The following BCL9 variants were observed in gnomAD, a reference collection of about 807,000 sequenced individuals.
The protein encoded by BCL9 is B-cell CLL/lymphoma 9 protein.
Under a neutral mutation model 88.5 loss-of-function variants are expected in BCL9, and 25 were observed. The ratio of observed to expected loss-of-function variants is 0.28; its 90% confidence interval spans 0.21 to 0.39. The LOEUF is 0.39. Ranked by LOEUF, BCL9 falls within the 10% of genes least tolerant of loss-of-function variation. The pLI is 1.00. For missense variants in BCL9, 1,817 were observed against 1,877.8 expected (o/e 0.97, Z 0.60); for synonymous variants, 711 against 673.3 (o/e 1.06, Z -0.87).
chr1:147,621,434 A>G (rs782158936), intron 8 of BCL9, among the ~76,000 whole-genome samples: 3 of 152,246 alleles, frequency 2.0e-5, no homozygotes, highest in Non-Finnish European at 4.4e-5. Context: ...GATTCTGGGT[A>G]TAATCCTAAG....
intron 7 of BCL9, among the ~76,000 whole-genome samples, chr1:147,616,652 A>G (rs1191750901): frequency 6.6e-6 from 1 of 152,096 alleles, no homozygotes; most frequent in Non-Finnish European, 1.5e-5. Context: ...CTGTAGTCCA[A>G]GCTACTTGGG....
chr1:147,610,010 G>A (rs1657917519), intron 3 of BCL9, among the ~76,000 whole-genome samples: 1 of 152,162 alleles, frequency 6.6e-6, no homozygotes, highest in South Asian at 2.1e-4. Flanking sequence ...GGTGGTAACT[G>A]CTTTTCTTTT....
At chr1:147,548,967 T>TTTTC (rs1190888128) in intron 1 of BCL9, among the ~76,000 whole-genome samples, 24 of 86,844 alleles carry the variant, frequency 2.8e-4, no homozygotes, top group South Asian at 1.5e-3. Flanking sequence ...AATTCTCTCC[T>TTTTC]TTTCTTTCTT....
intron 4 of BCL9, among the ~76,000 whole-genome samples, chr1:147,612,495 T>G (rs1223479464): frequency 6.6e-6 from 1 of 152,194 alleles, no homozygotes; most frequent in African/African-American, 2.4e-5. Context: ...CTCCTACAGC[T>G]GTTCCTTGTC....
intron 1 of BCL9, among the ~76,000 whole-genome samples, chr1:147,599,498 C>CCAG (rs1657231964): frequency 4.6e-5 from 7 of 151,674 alleles, no homozygotes; most frequent in African/African-American, 1.7e-4. Flanking sequence ...CCCCCCGCCC[C>CCAG]CCTCGGTTGC....
chr1:147,571,341 A>C (rs1174985165), intron 1 of BCL9, among the ~76,000 whole-genome samples: 2 of 152,114 alleles, frequency 1.3e-5, no homozygotes, highest in African/African-American at 4.8e-5. Context: ...CCTTCTGGCC[A>C]ACCATCACTG....
chr1:147,544,356 C>T (rs1654459348), intron 1 of BCL9, among the ~76,000 whole-genome samples: 1 of 152,184 alleles, frequency 6.6e-6, no homozygotes, highest in Admixed American at 6.5e-5. Flanking sequence ...TGGTGCCATT[C>T]CTATTCACAG....
intron 1 of BCL9, among the ~76,000 whole-genome samples, chr1:147,568,974 A>C (rs1393820512): frequency 6.6e-6 from 1 of 152,074 alleles, no homozygotes; most frequent in African/African-American, 2.4e-5. Flanking sequence ...CCCTTCAGGG[A>C]GCACACTGTG....
intron 1 of BCL9, among the ~76,000 whole-genome samples, chr1:147,603,761 A>G (rs1213305480): frequency 6.6e-6 from 1 of 151,926 alleles, no homozygotes; most frequent in African/African-American, 2.4e-5. Flanking sequence ...TGCCTGCCTC[A>G]TCCTCCCAAA....
Position 147,618,954 on chromosome 1 carries a change from C to G in BCL9, c.799C>G (p.Pro267Ala), listed in dbSNP as rs922551840. 6.2e-7 allele frequency: 1 copy of G among 1,613,934 alleles called. No individual in the cohort carries two copies. Among genetic ancestry groups the G allele is most frequent in the Non-Finnish European group, 8.5e-7 (1 of 1,179,906 alleles). The change falls in exon 8 of 10, where the codon CCT becomes GCT. Residue 267 changes from proline (P) to alanine (A), a missense_variant. By Grantham distance (27) the Pro-to-Ala change is conservative. Around this residue, in one of 2 missense-constraint regions of BCL9, gnomAD observed 1,228 missense variants for 1,191.6 expected, o/e 1.03. Coordinates refer to ENST00000234739, the MANE Select transcript of BCL9 (RefSeq NM_004326.4). Reference protein sequence around the residue: ...TPPIPAPAPKPAAPPRPLDRE... With the variant: ...TPPIPAPAPKAAAPPRPLDRE... ...ACCCATTCCGGCACCAGCACCCAAG[C>G]CTGCCGCACCCCCACGTCCCCTGGA... is the stretch of plus-strand genomic sequence containing the variant.
chr1:147,586,500 T>A (rs1656606740), intron 1 of BCL9, among the ~76,000 whole-genome samples: 1 of 152,186 alleles, frequency 6.6e-6, no homozygotes. Context: ...CACCTTCCTT[T>A]TTGGCCTTCT....
intron 1 of BCL9, among the ~76,000 whole-genome samples, chr1:147,553,848 T>A (rs1553195092): frequency 6.6e-6 from 1 of 152,236 alleles, no homozygotes; most frequent in East Asian, 1.9e-4. Context: ...TTGGCAGGTT[T>A]GATAAACTAA....
chr1:147,569,262 A>G (rs1655755816), intron 1 of BCL9, among the ~76,000 whole-genome samples: 1 of 152,004 alleles, frequency 6.6e-6, no homozygotes, highest in Non-Finnish European at 1.5e-5. Flanking sequence ...TTTTCTTGAA[A>G]AAGATTCTTT....
intron 1 of BCL9, among the ~76,000 whole-genome samples, chr1:147,583,844 T>C (rs1412977542): frequency 1.3e-5 from 2 of 151,338 alleles, no homozygotes; most frequent in Non-Finnish European, 2.9e-5. Context: ...TCCCAGCTAC[T>C]TAGGAGGCTG....
intron 1 of BCL9, among the ~76,000 whole-genome samples, chr1:147,554,357 A>G (rs2101480629): frequency 6.6e-6 from 1 of 152,332 alleles, no homozygotes; most frequent in East Asian, 1.9e-4. Flanking sequence ...AGACAAGGAC[A>G]TTTTAATTTT....
rs1658886358 is a variant in BCL9 at position 147,625,293 on chromosome 1, AC to A, written c.*335del. 2 of 294,894 alleles carry A rather than the reference AC, an allele frequency of 6.8e-6. No individual in the cohort carries two copies. The highest frequency in any genetic ancestry group is 1.3e-5 in the Non-Finnish European group (2 of 156,874). The allele number at this position is 294,894 out of a possible 1,614,324, so 18.3% of individuals were successfully genotyped here. A position where few individuals can be genotyped will look rare whatever the true frequency, so the allele number is the denominator to read the frequency against. ...GTGTTGCACCGTTCTCTGTATGTTT[AC>A]GTCCTTTGGACTGGCTTCTCCCAGG... On this transcript the variant is annotated 3_prime_UTR_variant, in exon 10 of 10. Transcript: ENST00000234739.
intron 8 of BCL9, 152 bp downstream of exon 8, chr1:147,621,209 G>T: frequency 1.1e-6 from 1 of 877,388 alleles, no homozygotes; most frequent in Non-Finnish European, 1.7e-6. Flanking sequence ...CATAATCAGT[G>T]CTTCCATGGG....
rs1553205106 is a variant in BCL9, at chr1:147,620,585, T to C, written c.2430T>C (p.Thr810=). The C allele has an allele frequency of 1.2e-6, 2 of 1,614,024 alleles. No individual in the cohort carries two copies. Among genetic ancestry groups the C allele is most frequent in the African/African-American group, 2.7e-5 (2 of 74,906 alleles). ...LREPIGPDQR[T]NSRLSHMPPL... ...AACCAATTGGGCCCGACCAGAGGACTAACAGCCGGCTCAGTCATATGCCAC... is the reference window on the plus strand; with the variant it reads ...AACCAATTGGGCCCGACCAGAGGACCAACAGCCGGCTCAGTCATATGCCAC... The change falls in exon 8 of 10, where the codon ACT becomes ACC. Residue 810 remains threonine (T), a synonymous_variant. Transcript: ENST00000234739.
chr1:147,551,221 T>C (rs1172207104), intron 1 of BCL9, among the ~76,000 whole-genome samples: 1 of 152,236 alleles, frequency 6.6e-6, no homozygotes, highest in Non-Finnish European at 1.5e-5. Flanking sequence ...CTAGAGAGTA[T>C]AACTTGCCCA....
Sources: gnomAD v4.1 joint callset for allele counts (sites outside exome capture counted in the v4.1 genomes callset) on GRCh38, gnomAD v4.1.1 for gene constraint, gnomAD v4.1.1 regional missense constraint, MANE v1.5 for transcripts, NCBI Gene and HGNC (gene_info 2026-07-23, HGNC 2026-07-21) for gene names.